Variants in EYS observed in about 807,000 individuals in gnomAD.
EYS encodes EGF-like photoreceptor maintenance factor.
In EYS, 250 loss-of-function variants were observed where a neutral mutation model predicts 282.1. The observed-to-expected ratio is 0.89, with a 90% CI of 0.80 to 0.98. The LOEUF (loss-of-function observed/expected upper bound fraction) is 0.98, where lower values mean the gene tolerates loss of function less well. Among genes scored for constraint, EYS ranks in the 50% least tolerant of loss-of-function variants. The probability of loss-of-function intolerance (pLI) is 0.00; values close to 1 mark genes in which losing one functional copy is unlikely to be tolerated. For missense variants in EYS, 4,016 were observed against 3,709.0 expected (o/e 1.08, Z -2.15); for synonymous variants, 1,355 against 1,282.9 (o/e 1.06, Z -1.20).
chr6:65,392,091 A>C (rs1766061292), intron 7 of EYS, among the ~76,000 whole-genome samples: 1 of 152,126 alleles, frequency 6.6e-6, no homozygotes, highest in Non-Finnish European at 1.5e-5. Flanking sequence ...TATTTAATAA[A>C]TGGTGCTGGG....
chr6:65,594,781 G>A (rs1417195896), intron 2 of EYS, among the ~76,000 whole-genome samples: 2 of 152,052 alleles, frequency 1.3e-5, no homozygotes, highest in Non-Finnish European at 2.9e-5. Flanking sequence ...TTCTTCTAGG[G>A]TTTTTATGGT....
intron 41 of EYS, among the ~76,000 whole-genome samples, chr6:63,756,884 C>T (rs951913438): frequency 6.6e-6 from 1 of 152,112 alleles, no homozygotes; most frequent in African/African-American, 2.4e-5. Flanking sequence ...TTATCCCTGT[C>T]TTTAATCTCT....
rs1158325601 is a variant in EYS, at chr6:65,695,274, GAC to G, written c.-448+11859_-448+11860del. Among the ~76,000 whole-genome samples the G allele has an allele frequency of 5.9e-5, 9 of 152,000 alleles. No individual in the cohort carries two copies. The East Asian group carries it at 1.7e-3, about 29-fold the overall frequency. On this transcript the variant is annotated intron_variant, in intron 1 of 42. Coordinates refer to ENST00000503581, the MANE Select transcript of EYS (RefSeq NM_001142800.2). ...AAATATAGATTGCAAAATTAGAAGA[GAC>G]ATGGTATTTATCACCCTTGTTTGGC... is the stretch of plus-strand genomic sequence containing the variant.
In EYS at chr6:65,366,974, C is replaced by T. The variant is rs530024306; in HGVS notation, c.1300-13357G>A. On this transcript the variant is annotated intron_variant, in intron 8 of 42. Transcript: ENST00000503581. ...TTAATAAGGACCTCTGTGATTATAT[C>T]AGGCCCCATCTGATAATCAGGATAA... Among the ~76,000 whole-genome samples the T allele has an allele frequency of 2.0e-5, 3 of 151,698 alleles. No individual in the cohort carries two copies. In the South Asian group the frequency reaches 6.2e-4, roughly 31 times the overall value.
chr6:65,612,232 T>C (rs1766028169), intron 2 of EYS, among the ~76,000 whole-genome samples: 1 of 150,822 alleles, frequency 6.6e-6, no homozygotes, highest in South Asian at 2.1e-4. Context: ...TATGTGTATA[T>C]GTATATATCA....
At chr6:64,802,125 C>T (rs1764263510) in intron 22 of EYS, among the ~76,000 whole-genome samples, 1 of 149,552 alleles carries the variant, frequency 6.7e-6, no homozygotes, top group African/African-American at 2.5e-5. Context: ...GCTCCTCCTC[C>T]CAGGTTCACG....
At chr6:65,270,579 A>C (rs1369159085) in intron 12 of EYS, among the ~76,000 whole-genome samples, 1 of 152,226 alleles carries the variant, frequency 6.6e-6, no homozygotes. Flanking sequence ...TTTAATTTCT[A>C]GTTCTTTTTT....
chr6:63,857,202 G>A (rs1772416632), intron 36 of EYS, among the ~76,000 whole-genome samples: 1 of 152,266 alleles, frequency 6.6e-6, no homozygotes, highest in South Asian at 2.1e-4. Flanking sequence ...TGGAATTCAA[G>A]ACATCTCATG....
intron 12 of EYS, among the ~76,000 whole-genome samples, chr6:65,130,667 G>C (rs1775846385): frequency 6.6e-6 from 1 of 151,712 alleles, no homozygotes; most frequent in Non-Finnish European, 1.5e-5. Flanking sequence ...AGGGTAGGAG[G>C]AGTGAGAGGA....
intron 9 of EYS, among the ~76,000 whole-genome samples, chr6:65,350,997 G>A (rs1046765664): frequency 1.3e-4 from 19 of 151,652 alleles, no homozygotes; most frequent in Non-Finnish European, 1.6e-4. Flanking sequence ...TTTATATTTC[G>A]TGAGGAAGAA....
chr6:64,831,719 A>G (rs1765222959), intron 19 of EYS, among the ~76,000 whole-genome samples: 1 of 152,026 alleles, frequency 6.6e-6, no homozygotes. Flanking sequence ...TACCACAAGA[A>G]TGCGGCCAGT....
chr6:65,386,319 T>A (rs898163927), intron 7 of EYS, among the ~76,000 whole-genome samples: 1 of 151,892 alleles, frequency 6.6e-6, no homozygotes, highest in Non-Finnish European at 1.5e-5. Flanking sequence ...GCTTAATACC[T>A]GGATGATAAA....
chr6:64,388,759 G>A lies in EYS; in HGVS notation c.6009C>T (p.Leu2003=), dbSNP rs934395477. 61 of 1,545,124 alleles carry A rather than the reference G, an allele frequency of 3.9e-5. No homozygotes were observed. Among genetic ancestry groups the A allele is most frequent in the Middle Eastern group, 1.7e-4 (1 of 5,970 alleles). ...ATCCTGATTTTGGCAGGGGTTTTCC[G>A]AGTACATGATTGATAGATTCGCATA... ...TQICESINHV[L]GKPLPKSGSV... is the part of the protein sequence containing the mutation. Residue 2003 remains leucine, a synonymous_variant, in exon 29 of 43, where the codon CTC becomes CTT. Coordinates refer to ENST00000503581, the MANE Select transcript of EYS (RefSeq NM_001142800.2).
chr6:64,177,173 C>T (rs9344829), intron 31 of EYS, among the ~76,000 whole-genome samples: 47,740 of 151,290 alleles, frequency 0.32, 7,601 homozygotes, highest in East Asian at 0.5. Context: ...TCTATAACAA[C>T]TATAATTAAT....
chr6:64,230,871 T>C (rs1766407178), intron 30 of EYS, 47 bp from the exon 31 acceptor site: 1 of 1,132,002 alleles, frequency 8.8e-7, no homozygotes, highest in Admixed American at 2.4e-5. Flanking sequence ...GTAAAAGCAC[T>C]AGGAACATAA....
intron 35 of EYS, among the ~76,000 whole-genome samples, chr6:63,968,420 G>T (rs1436156300): frequency 2.6e-5 from 4 of 152,018 alleles, no homozygotes; most frequent in African/African-American, 9.7e-5. Context: ...GCATCTAATT[G>T]GGGGAAAATG....
intron 41 of EYS, among the ~76,000 whole-genome samples, chr6:63,737,690 A>G (rs1185561718): frequency 1.3e-5 from 2 of 152,218 alleles, no homozygotes; most frequent in Non-Finnish European, 2.9e-5. Context: ...TACCTCTGGT[A>G]GAATTTGGCT....
chr6:65,623,720 G>A (rs928219186), intron 2 of EYS, among the ~76,000 whole-genome samples: 5 of 152,166 alleles, frequency 3.3e-5, no homozygotes, highest in African/African-American at 1.2e-4. Flanking sequence ...ATTATTTTGT[G>A]AATTAAAACT....
At chr6:65,385,600 A>C (rs1228121453) in intron 7 of EYS, among the ~76,000 whole-genome samples, 1 of 151,944 alleles carries the variant, frequency 6.6e-6, no homozygotes, top group Non-Finnish European at 1.5e-5. Flanking sequence ...ATTATTATTT[A>C]TCACTTTTAT....
Sources: allele counts gnomAD v4.1 joint callset (sites outside exome capture counted in the v4.1 genomes callset), GRCh38; gene constraint gnomAD v4.1.1; transcripts MANE v1.5; gene names NCBI Gene and HGNC (gene_info 2026-07-23, HGNC 2026-07-21).